DYNC2H1: variants seen among roughly 807,000 people sequenced by gnomAD.
DYNC2H1 encodes the protein dynein cytoplasmic 2 heavy chain 1.
DYNC2H1 carries 410 observed loss-of-function variants against 570.0 expected under a neutral mutation model. The ratio of observed to expected loss-of-function variants is 0.72; its 90% CI spans 0.66 to 0.78. DYNC2H1 has a LOEUF of 0.78. Ranked by LOEUF, DYNC2H1 falls within the 30% of genes least tolerant of loss-of-function variation. The pLI is 0.00. For synonymous variants in DYNC2H1, 1,688 were observed against 1,677.6 expected (o/e 1.01, Z -0.15); for missense variants, 4,865 against 5,046.4 (o/e 0.96, Z 1.09).
At chr11:103,144,487 A>G (rs1006114928) in intron 18 of DYNC2H1, among the ~76,000 whole-genome samples, 1 of 152,220 alleles carries the variant, frequency 6.6e-6, no homozygotes, top group Non-Finnish European at 1.5e-5. Flanking sequence ...TAGGATAGTA[A>G]CACTGGAACT....
At chr11:103,413,729 T>C (rs950576833) in intron 84 of DYNC2H1, among the ~76,000 whole-genome samples, 1 of 152,194 alleles carries the variant, frequency 6.6e-6, no homozygotes, top group African/African-American at 2.4e-5. Flanking sequence ...ATAGCTTTAC[T>C]TAGCAACATT....
At chr11:103,148,691 G>T in intron 20 of DYNC2H1, 74 bp downstream of exon 20, 1 of 1,469,496 alleles carries the variant, frequency 6.8e-7, no homozygotes, top group South Asian at 1.3e-5. Context: ...GTAATTTTAT[G>T]TCATTATTTA....
chr11:103,225,102 G>GTT (rs1470612862), intron 59 of DYNC2H1, among the ~76,000 whole-genome samples: 1 of 149,832 alleles, frequency 6.7e-6, no homozygotes, highest in Non-Finnish European at 1.5e-5. Context: ...GGAGTCGTTT[G>GTT]TTTTTTTCTT....
At chr11:103,423,407 G>GAAAAAAAAAA (rs1943555494) in intron 84 of DYNC2H1, among the ~76,000 whole-genome samples, 1 of 43,096 alleles carries the variant, frequency 2.3e-5, no homozygotes, top group Non-Finnish European at 5.2e-5. Context: ...AGCCAAAAAA[G>GAAAAAAAAAA]TAAAAAAAAA....
chr11:103,429,620 A>G (rs1007348258), intron 84 of DYNC2H1, among the ~76,000 whole-genome samples: 1 of 152,186 alleles, frequency 6.6e-6, no homozygotes, highest in Non-Finnish European at 1.5e-5. Context: ...GGGCTCTCTT[A>G]TTGTTAAATT....
rs1340022771 is a variant in DYNC2H1, at chr11:103,181,472, A to G, written c.6348-285A>G. ...GATATATAATTCTCGTTTAGTTTAT[A>G]TTTATAATAAAATAGATGAAATGTA... On this transcript the variant is annotated intron_variant, in intron 39 of 88. Transcript: ENST00000375735. The surrounding 1 kb of genome is among the most constrained non-coding windows in gnomAD (Gnocchi z 5.0). Among the ~76,000 whole-genome samples the G allele has an allele frequency of 6.6e-6, 1 of 151,618 alleles. No homozygotes were observed. Among genetic ancestry groups the G allele is most frequent in the Non-Finnish European group, 1.5e-5 (1 of 67,664 alleles).
rs756137646 is a variant in DYNC2H1, at chr11:103,173,353, T to C, written c.5558+48T>C. The C allele has an allele frequency of 2.3e-6, 3 of 1,308,520 alleles. No individual in the cohort carries two copies. In the South Asian group the frequency reaches 5.0e-5, roughly 22 times the overall value. 81.1% of individuals were successfully genotyped at this position (1,308,520 alleles called of 1,614,324 possible). ...TTTTTATATTTTACATTTCTAATGA[T>C]TGATTTTGGTTATTAGTGATCATTT... On this transcript the variant is annotated intron_variant, in intron 35 of 88. Coordinates refer to ENST00000375735, the MANE Select transcript of DYNC2H1 (RefSeq NM_001377.3).
At chr11:103,142,541 C>T (rs562806908) in intron 17 of DYNC2H1, among the ~76,000 whole-genome samples, 1 of 152,134 alleles carries the variant, frequency 6.6e-6, no homozygotes, top group South Asian at 2.1e-4. Context: ...TGGTGGTGGT[C>T]ACCTGTAATC....
At position 103,446,725 on chromosome 11, in the gene DYNC2H1, T is replaced by C. The variant is rs897160553; in HGVS notation, c.12457-8461T>C. Among the ~76,000 whole-genome samples, 2 of 152,118 alleles carry C rather than the reference T, an allele frequency of 1.3e-5. No individual in the cohort carries two copies. The highest frequency in any genetic ancestry group is 1.3e-4 in the Admixed American group (2 of 15,272). ...TGACCATATCTGTGTTCACTATAAA[T>C]TTTTAAATTGATGGTACAAGAAAAA... On this transcript the variant is annotated intron_variant, in intron 85 of 88. Transcript: ENST00000375735. This position sits in a 1 kb window ranked among gnomAD's most constrained non-coding sequence, Gnocchi z 4.5.
chr11:103,198,232 G>C (rs1862578580), intron 48 of DYNC2H1, among the ~76,000 whole-genome samples, 169 bp downstream of exon 48: 1 of 152,188 alleles, frequency 6.6e-6, no homozygotes, highest in Admixed American at 6.5e-5. Context: ...AGATGTGCCT[G>C]TACTTACATA....
intron 83 of DYNC2H1, among the ~76,000 whole-genome samples, chr11:103,371,927 G>GTTTTTTTTTTTTTTTT (rs60335910): frequency 4.4e-5 from 3 of 67,882 alleles, no homozygotes; most frequent in African/African-American, 1.3e-4. Context: ...TCCCATTTGG[G>GTTTTTTTTTTTTTTTT]TTTTTTTTTT....
intron 50 of DYNC2H1, among the ~76,000 whole-genome samples, chr11:103,202,138 A>G (rs564230728): frequency 6.6e-6 from 1 of 152,290 alleles, no homozygotes; most frequent in South Asian, 2.1e-4. Context: ...TTTCTGTTAA[A>G]AAGTTGAGGG....
chr11:103,353,641 A>G lies in DYNC2H1; in HGVS notation c.12040-4602A>G, dbSNP rs750981117. Among the ~76,000 whole-genome samples, 88 of 152,088 alleles carry G rather than the reference A, an allele frequency of 5.8e-4. 1 individual carries two copies. The highest frequency in any genetic ancestry group is 1.0e-3 in the Non-Finnish European group (71 of 67,998). On this transcript the variant is annotated intron_variant, in intron 82 of 88. Transcript: ENST00000375735. ...ATAGTGATGCTTTTTTCCCTGTAATACTTTTTGCTTTAAATTTTGTTGAGG... is the reference window on the plus strand; with the variant it reads ...ATAGTGATGCTTTTTTCCCTGTAATGCTTTTTGCTTTAAATTTTGTTGAGG...
rs1193372636 is a variant in DYNC2H1 at position 103,223,013 on chromosome 11, A to C, written c.9280A>C (p.Lys3094Gln). 8.7e-6 allele frequency: 14 copies of C among 1,613,410 alleles called. No homozygotes were observed. The Admixed American group carries it at 2.2e-4, about 25-fold the overall frequency. Reference protein sequence around the residue: ...TAAAPLAAWVKANIQYSHVLE... With the variant: ...TAAAPLAAWVQANIQYSHVLE... ...AGCTGCACCTTTGGCTGCCTGGGTG[A>C]AAGCCAATATTCAGTATTCCCATGT... The change falls in exon 59 of 89, where the codon AAA (lysine) becomes CAA (glutamine). Residue 3094 changes from lysine to glutamine, a missense_variant. Coordinates refer to ENST00000375735, the MANE Select transcript of DYNC2H1 (RefSeq NM_001377.3).
chr11:103,317,802 C>G (rs1937943855), intron 80 of DYNC2H1, among the ~76,000 whole-genome samples: 1 of 152,120 alleles, frequency 6.6e-6, no homozygotes, highest in African/African-American at 2.4e-5. Context: ...ACTGCTGAAT[C>G]TGAAGTAATC....
intron 53 of DYNC2H1, 67 bp downstream of exon 53, chr11:103,210,027 A>G: frequency 7.4e-7 from 1 of 1,349,742 alleles, no homozygotes; most frequent in Non-Finnish European, 9.6e-7. Context: ...TTTTAATGCT[A>G]CAGATCCATT....
intron 19 of DYNC2H1, among the ~76,000 whole-genome samples, chr11:103,148,270 A>G (rs28673265): frequency 6.6e-6 from 1 of 152,198 alleles, no homozygotes; most frequent in South Asian, 2.1e-4. Flanking sequence ...TTTTCTTAAA[A>G]TTTTTAAATA....
chr11:103,336,271 T>C (rs915969879), intron 82 of DYNC2H1, among the ~76,000 whole-genome samples: 1 of 152,176 alleles, frequency 6.6e-6, no homozygotes. Context: ...CCTCAAACAT[T>C]TGTCACTTTT....
chr11:103,289,160 A>G lies in DYNC2H1; in HGVS notation c.11095+1555A>G, dbSNP rs551114806. On this transcript the variant is annotated intron_variant, in intron 75 of 88. Transcript: ENST00000375735. The surrounding 1 kb of genome is among the most constrained non-coding windows in gnomAD (Gnocchi z 4.2). The stretch of plus-strand genomic sequence containing the variant: ...TGTGATTCCATCTCCAATGTGACCA[A>G]TCAGCACTCCCCACTTCCTAAGCCC... Among the ~76,000 whole-genome samples, 60 of 152,278 alleles carry G rather than the reference A, an allele frequency of 3.9e-4. No homozygotes were observed. The highest frequency in any genetic ancestry group is 7.0e-4 in the African/African-American group (29 of 41,564).
Sources: allele counts gnomAD v4.1 joint callset (sites outside exome capture counted in the v4.1 genomes callset), GRCh38; gene constraint gnomAD v4.1.1; non-coding constraint Gnocchi (gnomAD v3.1); transcripts MANE v1.5; gene names NCBI Gene and HGNC (gene_info 2026-07-23, HGNC 2026-07-21).